FAS: variants seen among roughly 807,000 people sequenced by gnomAD.
FAS encodes the protein tumor necrosis factor receptor superfamily member 6.
FAS carries 5 observed loss-of-function variants against 33.2 expected under a neutral mutation model. The observed-to-expected ratio is 0.15, with a 90% CI of 0.08 to 0.32. FAS has a LOEUF of 0.32. Among genes scored for constraint, FAS ranks in the 10% least tolerant of loss-of-function variants. FAS has a pLI of 1.00. For missense variants in FAS, 339 were observed against 386.0 expected, an observed-to-expected ratio of 0.88 and a Z score of 1.02; for synonymous variants, 131 against 130.7, an observed-to-expected ratio of 1.00 and a Z score of -0.01.
chr10:88,967,938 T>A (rs1314397270), intron 1 of FAS, among the ~76,000 whole-genome samples: 1 of 152,222 alleles, frequency 6.6e-6, no homozygotes, highest in Non-Finnish European at 1.5e-5. Context: ...GTTAGTATGA[T>A]TATCATACTT....
chr10:88,985,488 G>C (rs955095936), upstream of FAS, among the ~76,000 whole-genome samples: 1 of 152,092 alleles, frequency 6.6e-6, no homozygotes, highest in African/African-American at 2.4e-5. Flanking sequence ...AGTGCTCTGG[G>C]GCTCCTCCCC....
At chr10:88,978,291 C>T (rs1846622172) in intron 2 of FAS, among the ~76,000 whole-genome samples, 1 of 145,574 alleles carries the variant, frequency 6.9e-6, no homozygotes, top group Non-Finnish European at 1.5e-5. Context: ...GGAGATATAC[C>T]TAATGCTAGA....
rs1218085341 is a variant in FAS at position 89,014,483 on chromosome 10, T to A, written c.*33T>A. 1.9e-6 allele frequency: 3 copies of A among 1,582,220 alleles called. No individual in the cohort carries two copies. The African/African-American group carries it at 4.0e-5, about 21-fold the overall frequency. On this transcript the variant is annotated 3_prime_UTR_variant, in exon 9 of 9. Transcript: ENST00000652046. ...AACAACAAATTCAGTTCTGAGTATA[T>A]GCAATTAGTGTTTGAAAAGATTCTT...
Position 89,007,817 on chromosome 10 carries a change from G to A in FAS, c.314G>A (p.Arg105Lys). 6.2e-7 allele frequency: 1 copy of A among 1,614,014 alleles called. No individual in the cohort carries two copies. The highest frequency in any genetic ancestry group is 1.7e-5 in the Admixed American group (1 of 60,004). Residue 105 changes from arginine to lysine, a missense_variant, in exon 3 of 9, where the codon AGA (arginine) becomes AAA (lysine). By Grantham distance (26) the Arg-to-Lys change is conservative. Around this residue, in one of 3 missense-constraint regions of FAS, gnomAD observed 276 missense variants for 300.1 expected, o/e 0.92. Transcript: ENST00000652046. ...TTTTCTTCCAAATGCAGAAGATGTA[G>A]ATTGTGTGATGAAGGACATGGTAAG... ...AHFSSKCRRCRLCDEGHGLEV... is the reference protein window; with the variant it reads ...AHFSSKCRRCKLCDEGHGLEV...
At chr10:89,005,160 CT>C (rs1275381766) in intron 2 of FAS, among the ~76,000 whole-genome samples, 5 of 104,594 alleles carry the variant, frequency 4.8e-5, no homozygotes, top group Non-Finnish European at 7.3e-5. Flanking sequence ...TTATGTTTTC[CT>C]TTCATCAAAA....
chr10:88,978,212 A>G (rs1472841879), intron 2 of FAS, among the ~76,000 whole-genome samples: 1 of 130,964 alleles, frequency 7.6e-6, no homozygotes, highest in Admixed American at 7.8e-5. Flanking sequence ...GATCACATGG[A>G]CACTGGAAGG....
Position 89,011,996 on chromosome 10 carries a change from C to G in FAS, c.569-3C>G. The G allele has an allele frequency of 6.2e-7, 1 of 1,613,524 alleles. No homozygotes were observed. The highest frequency in any genetic ancestry group is 8.5e-7 in the Non-Finnish European group (1 of 1,179,612). On this transcript the variant is annotated splice_polypyrimidine_tract_variant and splice_region_variant and intron_variant, in intron 6 of 8. Coordinates refer to ENST00000652046, the MANE Select transcript of FAS (RefSeq NM_000043.6). The stretch of plus-strand genomic sequence containing the variant: ...AGTTGATAAAATTTCTTTGTTCTTT[C>G]AGTGAAGAGAAAGGAAGTACAGAAA...
In FAS at chr10:89,007,754, C is replaced by T. The variant is rs778483787; in HGVS notation, c.251C>T (p.Pro84Leu). 34 of 1,613,862 alleles carry T rather than the reference C, an allele frequency of 2.1e-5. No homozygotes were observed. In the African/African-American group the frequency reaches 3.6e-4, roughly 17 times the overall value. Reference protein sequence around the residue: ...TVNGDEPDCVPCQEGKEYTDK... With the variant: ...TVNGDEPDCVLCQEGKEYTDK... ...AATGGGGATGAACCAGACTGCGTGCCCTGCCAAGAAGGGAAGGAGTACACA... is the reference window on the plus strand; with the variant it reads ...AATGGGGATGAACCAGACTGCGTGCTCTGCCAAGAAGGGAAGGAGTACACA... The change falls in exon 3 of 9, where the codon CCC becomes CTC. Residue 84 changes from proline (P) to leucine (L), a missense_variant. By Grantham distance (98) the Pro-to-Leu change is moderately conservative (BLOSUM62 -3). This residue lies in a region of FAS where 276 missense variants were observed against 300.1 expected (regional missense o/e 0.92). Transcript: ENST00000652046.
chr10:88,991,178 G>T (rs943725952), intron 1 of FAS: 4 of 579,622 alleles, frequency 6.9e-6, no homozygotes, highest in African/African-American at 1.9e-5. Context: ...GGGCAGCTCC[G>T]GCGCTCCTCG....
Position 89,012,263 on chromosome 10 carries a change from A to C in FAS, c.651+182A>C, listed in dbSNP as rs1848571280. On this transcript the variant is annotated intron_variant, in intron 7 of 8. Coordinates refer to ENST00000652046, the MANE Select transcript of FAS (RefSeq NM_000043.6). ...TGCAATCATGGCTCACTGCAGCCTC[A>C]AAGTCCTGGGCTCAAGTGATCCTCC... The C allele has an allele frequency of 1.1e-5, 6 of 566,608 alleles. No individual in the cohort carries two copies. The South Asian group carries it at 1.1e-4, about 11-fold the overall frequency. 35.1% of individuals were successfully genotyped at this position (566,608 alleles called of 1,614,324 possible).
chr10:89,005,451 A>G (rs1848171572), intron 2 of FAS, among the ~76,000 whole-genome samples: 1 of 152,156 alleles, frequency 6.6e-6, no homozygotes, highest in Admixed American at 6.5e-5. Flanking sequence ...ACATCATCAT[A>G]TTCAATAAGA....
intron 1 of FAS, 23 bp from the exon 2 acceptor site, chr10:89,003,006 C>T (rs760471530): frequency 3.1e-6 from 5 of 1,613,660 alleles, no homozygotes; most frequent in East Asian, 2.2e-5. Context: ...CAATAAAATT[C>T]TCTTCATGCT....
Position 89,008,986 on chromosome 10 carries a change from C to T in FAS, c.432C>T (p.Asp144=), listed in dbSNP as rs574338716. 4 of 1,613,060 alleles carry T rather than the reference C, an allele frequency of 2.5e-6. No individual in the cohort carries two copies. Among genetic ancestry groups the T allele is most frequent in the Non-Finnish European group, 3.4e-6 (4 of 1,179,038 alleles). The change falls in exon 4 of 9, where the codon GAC becomes GAT. Residue 144 remains aspartate, a synonymous_variant. Coordinates refer to ENST00000652046, the MANE Select transcript of FAS (RefSeq NM_000043.6). Reference sequence around the variant, plus strand: ...ACTCTACTGTATGTGAACACTGTGACCCTTGCACCAAGTAAGTTTTAGTCT... The same window carrying T: ...ACTCTACTGTATGTGAACACTGTGATCCTTGCACCAAGTAAGTTTTAGTCT... ...FCNSTVCEHC[D]PCTKCEHGII...
At chr10:88,979,904 C>T (rs1038361059) in intron 2 of FAS, among the ~76,000 whole-genome samples, 4 of 152,132 alleles carry the variant, frequency 2.6e-5, no homozygotes, top group Admixed American at 1.3e-4. Context: ...TGGGGTAGAT[C>T]CTGGCAAAAT....
chr10:88,966,081 T>G (rs796424375), intron 1 of FAS, among the ~76,000 whole-genome samples: 36 of 152,262 alleles, frequency 2.4e-4, no homozygotes, highest in African/African-American at 8.2e-4. Context: ...AGGGTCCTAA[T>G]ACATTCCTGG....
chr10:88,970,071 G>GAT (rs1181191535), intron 1 of FAS, among the ~76,000 whole-genome samples: 1 of 152,150 alleles, frequency 6.6e-6, no homozygotes, highest in Non-Finnish European at 1.5e-5. Flanking sequence ...GGGTTTTAGA[G>GAT]ATAGAACAAT....
intron 2 of FAS, among the ~76,000 whole-genome samples, chr10:88,978,538 C>T (rs566726351): frequency 5.0e-4 from 76 of 152,272 alleles, no homozygotes; most frequent in African/African-American, 1.8e-3. Flanking sequence ...CCTGCTCTGA[C>T]CTGTTGGAAA....
At chr10:88,996,607 C>T (rs1050073028) in intron 1 of FAS, among the ~76,000 whole-genome samples, 1 of 152,076 alleles carries the variant, frequency 6.6e-6, no homozygotes, top group African/African-American at 2.4e-5. Context: ...TCTCGCCACA[C>T]ACACACAAAA....
chr10:88,966,031 G>T (rs1846312836), intron 1 of FAS, among the ~76,000 whole-genome samples: 1 of 152,114 alleles, frequency 6.6e-6, no homozygotes, highest in Non-Finnish European at 1.5e-5. Flanking sequence ...AATGTATTAG[G>T]TTGGTGCAAA....
Sources: allele counts gnomAD v4.1 joint callset (sites outside exome capture counted in the v4.1 genomes callset), GRCh38; gene constraint gnomAD v4.1.1; regional missense constraint gnomAD v4.1.1; transcripts MANE v1.5; gene names NCBI Gene and HGNC (gene_info 2026-07-23, HGNC 2026-07-21).